The following VAV3 variants were observed in gnomAD, a reference collection of about 807,000 sequenced individuals.
The protein encoded by VAV3 is guanine nucleotide exchange factor VAV3.
A neutral mutation model predicts 131.2 loss-of-function variants in VAV3; 94 were observed. That is an observed-to-expected ratio of 0.72 (90% CI 0.61 to 0.85). VAV3 has a LOEUF of 0.85. Among genes scored for constraint, VAV3 ranks in the 40% least tolerant of loss-of-function variants. VAV3 has a pLI of 0.00. For synonymous variants in VAV3, 349 were observed against 342.0 expected (o/e 1.02, Z -0.22); for missense variants, 939 against 1,002.7 (o/e 0.94, Z 0.86).
chr1:107,776,329 T>C (rs1417239668), intron 4 of VAV3, among the ~76,000 whole-genome samples: 1 of 152,130 alleles, frequency 6.6e-6, no homozygotes, highest in Non-Finnish European at 1.5e-5. Context: ...TACCTTCTAA[T>C]GAGGAGACAA....
intron 19 of VAV3, among the ~76,000 whole-genome samples, chr1:107,681,237 T>C (rs573615962): frequency 2.0e-5 from 3 of 152,122 alleles, no homozygotes; most frequent in East Asian, 1.9e-4. Flanking sequence ...AAATTAACTG[T>C]AGGATAAAAA....
chr1:107,937,712 C>A (rs1673791860), intron 1 of VAV3, among the ~76,000 whole-genome samples: 1 of 152,048 alleles, frequency 6.6e-6, no homozygotes, highest in Non-Finnish European at 1.5e-5. Context: ...CTAGTGGCAC[C>A]CTTAAAATAA....
intron 1 of VAV3, among the ~76,000 whole-genome samples, chr1:107,923,807 C>T (rs1179537380): frequency 6.6e-6 from 1 of 152,156 alleles, no homozygotes; most frequent in Non-Finnish European, 1.5e-5. Context: ...GATGAGATTT[C>T]GGTGGGGACA....
chr1:107,573,229 A>G lies in VAV3; in HGVS notation c.*102T>C. ...GAGGGAGGATGTTGAACAGCCAGAA[A>G]TGCAGCTTTTTAAACACTTCAGTTA... On this transcript the variant is annotated 3_prime_UTR_variant, in exon 27 of 27. Coordinates refer to ENST00000370056, the MANE Select transcript of VAV3 (RefSeq NM_006113.5). 2.9e-6 allele frequency: 4 copies of G among 1,356,246 alleles called. No homozygotes were observed. Among genetic ancestry groups the G allele is most frequent in the Non-Finnish European group, 3.1e-6 (3 of 976,748 alleles). The allele number at this position is 1,356,246 out of a possible 1,614,324, so 84.0% of individuals were successfully genotyped here.
intron 4 of VAV3, among the ~76,000 whole-genome samples, chr1:107,774,170 G>A (rs1340156513): frequency 6.6e-6 from 1 of 152,056 alleles, no homozygotes. Context: ...GGGTTCCAGC[G>A]ATTCTTCTGC....
intron 1 of VAV3, among the ~76,000 whole-genome samples, chr1:107,876,287 C>T (rs1670493212): frequency 6.6e-6 from 1 of 152,026 alleles, no homozygotes; most frequent in Admixed American, 6.6e-5. Flanking sequence ...CAAAAGCAGG[C>T]TCTATATGGA....
chr1:107,760,917 A>G, intron 9 of VAV3, 38 bp from the exon 10 acceptor site: 1 of 1,497,458 alleles, frequency 6.7e-7, no homozygotes, highest in Non-Finnish European at 9.3e-7. Context: ...TTAGGGAGTC[A>G]TAAACATTAA....
At chr1:107,860,339 T>C (rs1341782565) in intron 2 of VAV3, among the ~76,000 whole-genome samples, 2 of 152,114 alleles carry the variant, frequency 1.3e-5, no homozygotes, top group Non-Finnish European at 2.9e-5. Context: ...ATAGTAGATA[T>C]ATGAGCGGTG....
rs115833870 is a variant in VAV3 at position 107,682,770 on chromosome 1, G to A, written c.1777+718C>T. On this transcript the variant is annotated intron_variant, in intron 19 of 26. Transcript: ENST00000370056. ...CCAGCAAAGCTACTCTATTTCTCAT[G>A]TTCCCCTTGGTTTATCATCAAGTTC... is the stretch of plus-strand genomic sequence containing the variant. 7.4e-3 allele frequency among the ~76,000 whole-genome samples: 1,126 copies of A among 152,234 alleles called. 9 individuals carry two copies. Among genetic ancestry groups the A allele is most frequent in the Non-Finnish European group, 0.013 (862 of 68,004 alleles).
chr1:107,789,404 G>C (rs1263707915), intron 2 of VAV3, among the ~76,000 whole-genome samples: 1 of 152,188 alleles, frequency 6.6e-6, no homozygotes, highest in African/African-American at 2.4e-5. Flanking sequence ...GCCCAAAGAT[G>C]CTCCATCTTT....
rs780713869 is a variant in VAV3, at chr1:107,574,155, G to T, written c.2394C>A (p.Asp798Glu). ...ACTCTCTCATATCTCTTGCACAGAAGTCATACCGAGCGATGGCAATGCCCA... is the reference window on the plus strand; with the variant it reads ...ACTCTCTCATATCTCTTGCACAGAATTCATACCGAGCGATGGCAATGCCCA... ...KVLGIAIARY[D>E]FCARDMRELS... The change falls in exon 26 of 27, where the codon GAC becomes GAA. Residue 798 changes from aspartate (D) to glutamate (E), a missense_variant. Coordinates refer to ENST00000370056, the MANE Select transcript of VAV3 (RefSeq NM_006113.5). 4.3e-6 allele frequency: 7 copies of T among 1,613,986 alleles called. No homozygotes were observed. Among genetic ancestry groups the T allele is most frequent in the South Asian group, 1.1e-5 (1 of 91,044 alleles).
intron 15 of VAV3, among the ~76,000 whole-genome samples, chr1:107,712,866 C>A (rs1214860295): frequency 2.0e-5 from 3 of 152,248 alleles, no homozygotes; most frequent in Non-Finnish European, 4.4e-5. Flanking sequence ...GTTAGGAAAA[C>A]TTGAAACGTA....
intron 20 of VAV3, 46 bp downstream of exon 20, chr1:107,642,573 C>T (rs201699562): frequency 6.2e-5 from 98 of 1,592,194 alleles, no homozygotes; most frequent in East Asian, 2.2e-5. Flanking sequence ...TTTAAGAACC[C>T]TCTCTTGGGG....
intron 22 of VAV3, among the ~76,000 whole-genome samples, chr1:107,604,287 C>T (rs561085171): frequency 1.2e-4 from 18 of 152,070 alleles, no homozygotes; most frequent in South Asian, 6.2e-4. Flanking sequence ...TCATTTAAAA[C>T]GCACATGACA....
At chr1:107,748,599 C>T (rs1262103966) in intron 15 of VAV3, among the ~76,000 whole-genome samples, 2 of 152,110 alleles carry the variant, frequency 1.3e-5, no homozygotes, top group African/African-American at 4.8e-5. Flanking sequence ...CACTTGGAGG[C>T]ATTTCTATTT....
intron 20 of VAV3, among the ~76,000 whole-genome samples, chr1:107,636,930 C>T (rs998923280): frequency 8.6e-5 from 13 of 151,858 alleles, no homozygotes; most frequent in Non-Finnish European, 5.9e-5. Flanking sequence ...CCTACCTTAA[C>T]GAACTAGCAA....
intron 1 of VAV3, among the ~76,000 whole-genome samples, chr1:107,948,610 G>A (rs189731455): frequency 3.0e-4 from 46 of 152,292 alleles, no homozygotes; most frequent in Admixed American, 8.5e-4. Flanking sequence ...TTGGGAGGCC[G>A]AGGTGGGCAG....
chr1:107,650,659 T>C (rs919948828), intron 19 of VAV3, among the ~76,000 whole-genome samples: 3 of 150,534 alleles, frequency 2.0e-5, no homozygotes, highest in Non-Finnish European at 1.5e-5. Context: ...GCTGCACCCA[T>C]TAACTCATCA....
chr1:107,779,579 C>A, intron 2 of VAV3, 87 bp from the exon 3 acceptor site: 1 of 988,700 alleles, frequency 1.0e-6, no homozygotes, highest in East Asian at 3.0e-5. Flanking sequence ...CTAATATTAA[C>A]CATAGCAGCA....
Sources: gnomAD v4.1 joint callset for allele counts (sites outside exome capture counted in the v4.1 genomes callset) on GRCh38, gnomAD v4.1.1 for gene constraint, MANE v1.5 for transcripts, NCBI Gene and HGNC (gene_info 2026-07-23, HGNC 2026-07-21) for gene names.